The following RUFY2 variants were observed in gnomAD, a reference collection of about 807,000 sequenced individuals.
The protein encoded by RUFY2 is RUN and FYVE domain-containing protein 2.
In RUFY2, 49 loss-of-function variants were observed where a neutral mutation model predicts 94.4. The ratio of observed to expected loss-of-function variants is 0.52; its 90% confidence interval spans 0.41 to 0.66. RUFY2 has a LOEUF of 0.66. Ranked by LOEUF, RUFY2 falls within the 30% of genes least tolerant of loss-of-function variation. RUFY2 has a pLI of 0.00. For missense variants in RUFY2, 541 were observed against 692.8 expected (o/e 0.78, Z 2.46); for synonymous variants, 255 against 235.7 (o/e 1.08, Z -0.75).
chr10:68,359,155 G>A (rs1299791379), intron 15 of RUFY2, among the ~76,000 whole-genome samples: 1 of 151,888 alleles, frequency 6.6e-6, no homozygotes, highest in Non-Finnish European at 1.5e-5. Context: ...AAGGTGGGTG[G>A]ATCACTTGAG....
At chr10:68,360,207 G>GT (rs2047363740) in intron 15 of RUFY2, among the ~76,000 whole-genome samples, 1 of 152,086 alleles carries the variant, frequency 6.6e-6, no homozygotes, top group Non-Finnish European at 1.5e-5. Flanking sequence ...GGCTGAGGAG[G>GT]TGGGAGCATC....
chr10:68,405,061 T>C (rs2051164268), intron 1 of RUFY2, among the ~76,000 whole-genome samples: 1 of 152,216 alleles, frequency 6.6e-6, no homozygotes, highest in East Asian at 1.9e-4. Flanking sequence ...ACGCCTGTAA[T>C]CCCAGCACTT....
At chr10:68,341,396 C>G, downstream of RUFY2, 1 of 1,396,672 alleles carries the variant, frequency 7.2e-7, no homozygotes, top group African/African-American at 1.5e-5. Flanking sequence ...TAACGCTTGG[C>G]AGTTGTTGGG....
chr10:68,341,806 A>G, downstream of RUFY2: 2 of 1,610,944 alleles, frequency 1.2e-6, no homozygotes, highest in Non-Finnish European at 1.7e-6. Context: ...AATGGGGAAC[A>G]ATTACAGTGG....
Position 68,404,854 on chromosome 10 carries a change from CAAGA to C in RUFY2, c.5-14_5-11del. ...GTGGGGTCTTTTGTAGCTGAAAACA[CAAGA>C]AAGGAATCCAACATCATTTGTAAGA... On this transcript the variant is annotated splice_polypyrimidine_tract_variant and intron_variant, in intron 1 of 17. Coordinates refer to ENST00000602465, the MANE Select transcript of RUFY2 (RefSeq NM_001330103.2). The C allele has an allele frequency of 1.3e-6, 2 of 1,529,670 alleles. No individual in the cohort carries two copies. The allele number at this position is 1,529,670 out of a possible 1,614,324, so 94.8% of individuals were successfully genotyped here. A position where few individuals can be genotyped will look rare whatever the true frequency, so the allele number is the denominator to read the frequency against.
At chr10:68,383,998 A>G in intron 9 of RUFY2, 53 bp downstream of exon 9, 1 of 1,585,118 alleles carries the variant, frequency 6.3e-7, no homozygotes, top group Non-Finnish European at 8.6e-7. Context: ...AAAATCCCCA[A>G]AAATGGTAAT....
In RUFY2 at chr10:68,378,507, T is replaced by A. The variant is rs1262733432; in HGVS notation, c.1205+917A>T. ...CATTTAGATTCCTTTCTATTTAATATATTATAAAATTGTTGATTCTCTTTT... is the reference window on the plus strand; with the variant it reads ...CATTTAGATTCCTTTCTATTTAATAAATTATAAAATTGTTGATTCTCTTTT... On this transcript the variant is annotated intron_variant, in intron 12 of 17. Transcript: ENST00000602465. 2.1e-6 allele frequency: 3 copies of A among 1,430,244 alleles called. No individual in the cohort carries two copies. In the East Asian group the frequency reaches 7.9e-5, roughly 37 times the overall value. 88.6% of individuals were successfully genotyped at this position (1,430,244 alleles called of 1,614,324 possible).
chr10:68,379,295 G>T (rs2132729602), intron 12 of RUFY2, 129 bp downstream of exon 12: 2 of 671,878 alleles, frequency 3.0e-6, no homozygotes, highest in East Asian at 3.0e-5. Flanking sequence ...GCAAAATCCT[G>T]CTGGGCTTAA....
In RUFY2 at chr10:68,346,022, T is replaced by C. The variant is rs1026147950; in HGVS notation, c.1662A>G (p.Ser554=). Residue 554 remains serine (S), a synonymous_variant, in exon 17 of 18, where the codon TCA becomes TCG. Coordinates refer to ENST00000602465, the MANE Select transcript of RUFY2 (RefSeq NM_001330103.2). ...THCKLCEKEF[S]LSKRKHHCRN... is the part of the protein sequence containing the mutation. ...TCTCCCTTACCTTTCTCTTAGAGAG[T>C]GAGAATTCCTTTTCACAAAGTTTAC... 2 of 1,613,898 alleles carry C rather than the reference T, an allele frequency of 1.2e-6. No homozygotes were observed. Among genetic ancestry groups the C allele is most frequent in the Non-Finnish European group, 8.5e-7 (1 of 1,179,920 alleles).
At position 68,362,850 on chromosome 10, in the gene RUFY2, G is replaced by C. The variant is rs76503490; in HGVS notation, c.1550+740C>G. On this transcript the variant is annotated intron_variant, in intron 15 of 17. Transcript: ENST00000602465. ...TCCTTCTTGTCTTTACAGGATCCCA[G>C]TGACATTTTACTGCAACAAAACCAA... 2.2e-3 allele frequency among the ~76,000 whole-genome samples: 341 copies of C among 151,784 alleles called. 3 individuals carry two copies. Among genetic ancestry groups the C allele is most frequent in the African/African-American group, 8.1e-3 (336 of 41,422 alleles).
Position 68,377,678 on chromosome 10 carries a change from G to A in RUFY2, c.1206-706C>T, listed in dbSNP as rs189097350. 276 of 985,258 alleles carry A rather than the reference G, an allele frequency of 2.8e-4. No homozygotes were observed. In the African/African-American group the frequency reaches 3.6e-3, roughly 13 times the overall value. The allele number at this position is 985,258 out of a possible 1,614,324, so 61.0% of individuals were successfully genotyped here. ...TCTTTCCTGTTTTTATTTGTAAGTCGTTGCATTTTCCTGTGCTTAGCTCCA... is the reference window on the plus strand; with the variant it reads ...TCTTTCCTGTTTTTATTTGTAAGTCATTGCATTTTCCTGTGCTTAGCTCCA... On this transcript the variant is annotated intron_variant, in intron 12 of 17. Coordinates refer to ENST00000602465, the MANE Select transcript of RUFY2 (RefSeq NM_001330103.2).
chr10:68,403,221 A>AG (rs1030814097), intron 2 of RUFY2, among the ~76,000 whole-genome samples: 1 of 151,158 alleles, frequency 6.6e-6, no homozygotes, highest in Non-Finnish European at 1.5e-5. Context: ...GAAAAAAAAA[A>AG]CAGAAAAGGG....
Position 68,400,854 on chromosome 10 carries a change from T to C in RUFY2, c.296+766A>G, listed in dbSNP as rs181729835. Among the ~76,000 whole-genome samples, 722 of 149,376 alleles carry C rather than the reference T, an allele frequency of 4.8e-3. 32 individuals carry two copies. The highest frequency in any genetic ancestry group is 0.042 in the Admixed American group (630 of 15,016). ...GGTGAAACCCGATCTCTACTAAAAA[T>C]ACAAAAAAATTAGCCGGGCGTGGTG... On this transcript the variant is annotated intron_variant, in intron 3 of 17. Transcript: ENST00000602465.
chr10:68,404,590 C>T (rs778325453), intron 2 of RUFY2, 81 bp downstream of exon 2: 87 of 973,748 alleles, frequency 8.9e-5, no homozygotes, highest in Non-Finnish European at 1.1e-4. Flanking sequence ...GTAATTATGG[C>T]CTCAAAAAAT....
chr10:68,384,559 G>A (rs988518609), intron 8 of RUFY2, among the ~76,000 whole-genome samples: 1 of 152,196 alleles, frequency 6.6e-6, no homozygotes, highest in Non-Finnish European at 1.5e-5. Flanking sequence ...AAGGAAAGAA[G>A]ATTGTGCTAT....
intron 15 of RUFY2, among the ~76,000 whole-genome samples, chr10:68,362,245 G>A (rs1021023980): frequency 7.2e-5 from 11 of 152,100 alleles, no homozygotes; most frequent in South Asian, 2.1e-4. Context: ...AGAGAATAGC[G>A]TGAGCCTGAG....
intron 4 of RUFY2, among the ~76,000 whole-genome samples, chr10:68,396,375 A>C (rs553292103): frequency 6.4e-4 from 98 of 152,234 alleles, no homozygotes; most frequent in Middle Eastern, 3.4e-3. Flanking sequence ...AAAAAAAAAA[A>C]CAAAAAACAA....
At position 68,394,361 on chromosome 10, in the gene RUFY2, A is replaced by AT; in HGVS notation, c.488dup (p.Asn163LysfsTer17). On this transcript the variant is annotated frameshift_variant, in exon 5 of 18. Transcript: ENST00000602465. LOFTEE classifies it high-confidence loss of function. ...CTAAATCCTCTCCCTTCACACACAGATTAGCATCGATCACATTCAGGCCAA... is the reference window on the plus strand; with the variant it reads ...CTAAATCCTCTCCCTTCACACACAGATTTAGCATCGATCACATTCAGGCCAA... 6.2e-7 allele frequency: 1 copy of AT among 1,613,938 alleles called. No individual in the cohort carries two copies. Among genetic ancestry groups the AT allele is most frequent in the Non-Finnish European group, 8.5e-7 (1 of 1,179,866 alleles).
At chr10:68,365,925 A>C (rs1407373863) in intron 13 of RUFY2, among the ~76,000 whole-genome samples, 1 of 152,196 alleles carries the variant, frequency 6.6e-6, no homozygotes, top group Non-Finnish European at 1.5e-5. Flanking sequence ...ATCATCCAGA[A>C]TCAGAAAAAA....
Sources: gnomAD v4.1 joint callset for allele counts (sites outside exome capture counted in the v4.1 genomes callset) on GRCh38, gnomAD v4.1.1 for gene constraint, MANE v1.5 for transcripts, NCBI Gene and HGNC (gene_info 2026-07-23, HGNC 2026-07-21) for gene names.